The following EBF1 variants were observed in gnomAD, a reference collection of about 807,000 sequenced individuals.
EBF1 encodes the protein EBF transcription factor 1, also known as transcription factor COE1.
A neutral mutation model predicts 68.4 loss-of-function variants in EBF1; 10 were observed. The observed-to-expected ratio is 0.15, with a 90% CI of 0.09 to 0.25. The LOEUF (loss-of-function observed/expected upper bound fraction) is 0.25, where lower values mean the gene tolerates loss of function less well. Among genes scored for constraint, EBF1 ranks in the 10% least tolerant of loss-of-function variants. The pLI is 1.00. For missense variants in EBF1, 509 were observed against 794.4 expected (o/e 0.64, Z 4.32); for synonymous variants, 298 against 299.8 (o/e 0.99, Z 0.06).
At chr5:158,943,074 GA>G (rs1229449768) in intron 6 of EBF1, among the ~76,000 whole-genome samples, 3 of 134,848 alleles carry the variant, frequency 2.2e-5, no homozygotes, top group Non-Finnish European at 3.2e-5. Context: ...GGGAGGGAGG[GA>G]AAGAAAGAGA....
chr5:159,091,315 C>T (rs1781596606), intron 4 of EBF1, among the ~76,000 whole-genome samples: 1 of 152,168 alleles, frequency 6.6e-6, no homozygotes, highest in African/African-American at 2.4e-5. Context: ...CACCCCCAGA[C>T]TCCAAACAAC....
At chr5:158,928,976 T>C (rs1467847292) in intron 6 of EBF1, among the ~76,000 whole-genome samples, 1 of 152,200 alleles carries the variant, frequency 6.6e-6, no homozygotes, top group Non-Finnish European at 1.5e-5. Context: ...TCCTCTCTTT[T>C]AAAAATTTTT....
At chr5:158,819,992 G>A (rs953767700) in intron 8 of EBF1, among the ~76,000 whole-genome samples, 2 of 152,022 alleles carry the variant, frequency 1.3e-5, no homozygotes, top group Non-Finnish European at 2.9e-5. Flanking sequence ...AGGGGTTTGC[G>A]AGTCCATGGG....
At chr5:158,780,041 A>G (rs1776116663) in intron 9 of EBF1, among the ~76,000 whole-genome samples, 2 of 152,228 alleles carry the variant, frequency 1.3e-5, no homozygotes, top group Non-Finnish European at 1.5e-5. Context: ...TAGTCTGGGA[A>G]GAATCTCTAG....
chr5:159,020,494 G>A (rs890651130), intron 6 of EBF1, among the ~76,000 whole-genome samples: 2 of 152,162 alleles, frequency 1.3e-5, no homozygotes, highest in African/African-American at 4.8e-5. Flanking sequence ...ATCGAGCGAT[G>A]CGGACTCCTC....
chr5:159,066,550 C>T (rs1776833994), intron 6 of EBF1, among the ~76,000 whole-genome samples: 1 of 151,884 alleles, frequency 6.6e-6, no homozygotes, highest in South Asian at 2.1e-4. Context: ...TATGTGACAC[C>T]CCCTGCCCCA....
intron 6 of EBF1, among the ~76,000 whole-genome samples, chr5:159,022,076 A>AG (rs1554110993): frequency 6.7e-6 from 1 of 149,920 alleles, no homozygotes. Flanking sequence ...AAAAAAAAAA[A>AG]GGCAAGAGAA....
At chr5:158,731,645 G>A (rs868576556) in intron 10 of EBF1, among the ~76,000 whole-genome samples, 48 of 152,290 alleles carry the variant, frequency 3.2e-4, no homozygotes, top group Admixed American at 1.2e-3. Flanking sequence ...TGAGAGTAGA[G>A]GAGAGTGAGT....
At chr5:158,872,297 A>G (rs767275411) in intron 6 of EBF1, among the ~76,000 whole-genome samples, 1 of 151,528 alleles carries the variant, frequency 6.6e-6, no homozygotes, top group Non-Finnish European at 1.5e-5. Flanking sequence ...CCTGGGTTCC[A>G]TCGATTCTCT....
intron 6 of EBF1, among the ~76,000 whole-genome samples, chr5:158,966,342 T>C (rs1172621705): frequency 2.6e-5 from 4 of 152,196 alleles, no homozygotes. Flanking sequence ...CACACAGGTA[T>C]GGAAGGAGAA....
intron 10 of EBF1, among the ~76,000 whole-genome samples, chr5:158,752,370 T>C (rs1398883591): frequency 6.7e-6 from 1 of 149,592 alleles, no homozygotes; most frequent in African/African-American, 2.4e-5. Context: ...TTGAATATCT[T>C]CAAGGATCCA....
chr5:158,853,392 G>A (rs1035615253), intron 6 of EBF1, among the ~76,000 whole-genome samples: 3 of 152,060 alleles, frequency 2.0e-5, no homozygotes, highest in East Asian at 1.9e-4. Context: ...TTGTTTGGGC[G>A]GCTTTAAAAA....
intron 14 of EBF1, among the ~76,000 whole-genome samples, chr5:158,708,702 C>A (rs1402703139): frequency 6.6e-6 from 1 of 152,074 alleles, no homozygotes; most frequent in Non-Finnish European, 1.5e-5. Context: ...GGATGCATCC[C>A]AGGTAGAGCC....
At chr5:158,713,304 C>T (rs1175387754) in intron 12 of EBF1, among the ~76,000 whole-genome samples, 157 bp from the exon 13 acceptor site, 1 of 152,160 alleles carries the variant, frequency 6.6e-6, no homozygotes, top group African/African-American at 2.4e-5. Context: ...GTCTCACCAT[C>T]ATCATGCCTG....
chr5:158,826,018 A>G (rs116226319), intron 7 of EBF1, among the ~76,000 whole-genome samples: 2 of 152,218 alleles, frequency 1.3e-5, no homozygotes, highest in African/African-American at 4.8e-5. Flanking sequence ...TTTACAGTTT[A>G]CCACATAATT....
chr5:158,879,617 CAT>C (rs1313391095), intron 6 of EBF1, among the ~76,000 whole-genome samples: 1 of 152,156 alleles, frequency 6.6e-6, no homozygotes, highest in African/African-American at 2.4e-5. Flanking sequence ...CCGCAATAAA[CAT>C]ATGTGTGCAT....
chr5:158,774,255 G>C (rs930982761), intron 10 of EBF1, among the ~76,000 whole-genome samples: 1 of 152,084 alleles, frequency 6.6e-6, no homozygotes, highest in Non-Finnish European at 1.5e-5. Flanking sequence ...TACAAGGGGA[G>C]CCAGCTTGCA....
chr5:159,011,296 G>A (rs908999056), intron 6 of EBF1, among the ~76,000 whole-genome samples: 1 of 152,208 alleles, frequency 6.6e-6, no homozygotes, highest in African/African-American at 2.4e-5. Flanking sequence ...TGTGAAGGGT[G>A]AAGCTCTGTA....
chr5:159,080,353 T>C (rs1252192979), intron 5 of EBF1, among the ~76,000 whole-genome samples: 1 of 152,210 alleles, frequency 6.6e-6, no homozygotes, highest in Non-Finnish European at 1.5e-5. Context: ...GCAGTCTCGT[T>C]ATCTGCCAAC....
Sources: gnomAD v4.1 joint callset for allele counts (sites outside exome capture counted in the v4.1 genomes callset) on GRCh38, gnomAD v4.1.1 for gene constraint, MANE v1.5 for transcripts, NCBI Gene and HGNC (gene_info 2026-07-23, HGNC 2026-07-21) for gene names.